Variants in IGF1R observed in about 807,000 individuals in gnomAD.
IGF1R encodes the protein insulin-like growth factor 1 receptor.
A neutral mutation model predicts 144.6 loss-of-function variants in IGF1R; 44 were observed. The ratio of observed to expected loss-of-function variants is 0.30; its 90% confidence interval spans 0.24 to 0.39. The LOEUF (loss-of-function observed/expected upper bound fraction) is 0.39. Among genes scored for constraint, IGF1R ranks in the 10% least tolerant of loss-of-function variants. The probability of loss-of-function intolerance (pLI) is 1.00; values close to 1 mark genes in which losing one functional copy is unlikely to be tolerated. For missense variants in IGF1R, 1,355 were observed against 1,833.7 expected (o/e 0.74, Z 4.77); for synonymous variants, 795 against 722.8 (o/e 1.10, Z -1.60).
chr15:98,790,611 C>T (rs971115757), intron 2 of IGF1R, among the ~76,000 whole-genome samples: 2 of 152,134 alleles, frequency 1.3e-5, no homozygotes, highest in African/African-American at 4.8e-5. Context: ...ATGGTCTCTT[C>T]CCACAGCAGA....
At chr15:98,931,581 A>C (rs1202496729) in intron 15 of IGF1R, among the ~76,000 whole-genome samples, 1 of 152,080 alleles carries the variant, frequency 6.6e-6, no homozygotes, top group African/African-American at 2.4e-5. Flanking sequence ...GTTTTTTAAT[A>C]GTAATATATA....
intron 2 of IGF1R, among the ~76,000 whole-genome samples, chr15:98,728,806 A>T (rs2054427907): frequency 6.6e-6 from 1 of 152,244 alleles, no homozygotes; most frequent in South Asian, 2.1e-4. Flanking sequence ...AGAAGCCAGC[A>T]CCTTTATCCT....
chr15:98,888,438 A>AGAGAGAGAGTGTGTGTGT (rs1555457179), intron 2 of IGF1R, among the ~76,000 whole-genome samples: 1 of 143,354 alleles, frequency 7.0e-6, no homozygotes, highest in Admixed American at 7.0e-5. Context: ...AGAGAGAGAG[A>AGAGAGAGAGTGTGTGTGT]GTGTGTGTGT....
chr15:98,892,527 CAAAAAAAAAAA>C (rs368474118), intron 3 of IGF1R, among the ~76,000 whole-genome samples: 1 of 75,600 alleles, frequency 1.3e-5, no homozygotes, highest in Non-Finnish European at 2.8e-5. Context: ...ACTCTGTCTC[CAAAAAAAAAAA>C]AAAAAAAGAG....
At chr15:98,824,785 C>G (rs774306231) in intron 2 of IGF1R, among the ~76,000 whole-genome samples, 2 of 152,028 alleles carry the variant, frequency 1.3e-5, no homozygotes, top group Non-Finnish European at 2.9e-5. Context: ...AGTCACTCTC[C>G]TAAGACTTGA....
chr15:98,923,009 C>T (rs538870742), intron 11 of IGF1R, among the ~76,000 whole-genome samples: 27 of 152,304 alleles, frequency 1.8e-4, no homozygotes, highest in African/African-American at 6.3e-4. Context: ...GTAGAAAGAG[C>T]ACGGAGGTGA....
At chr15:98,802,773 A>G (rs528411632) in intron 2 of IGF1R, among the ~76,000 whole-genome samples, 1 of 152,318 alleles carries the variant, frequency 6.6e-6, no homozygotes, top group Admixed American at 6.5e-5. Context: ...TTTTTCTCAT[A>G]TATTAGCGGT....
At chr15:98,703,593 CT>C (rs1254552027) in intron 1 of IGF1R, among the ~76,000 whole-genome samples, 1 of 152,180 alleles carries the variant, frequency 6.6e-6, no homozygotes, top group Non-Finnish European at 1.5e-5. Context: ...CTTCTTCCTA[CT>C]TTTTTTCTCT....
intron 17 of IGF1R, 108 bp from the exon 18 acceptor site, chr15:98,939,093 A>G: frequency 4.5e-6 from 4 of 891,420 alleles, no homozygotes; most frequent in Non-Finnish European, 7.3e-6. Flanking sequence ...AGCATAAACA[A>G]CCCACGGTGC....
At chr15:98,924,093 C>G in intron 12 of IGF1R, 81 bp downstream of exon 12, 1 of 1,348,956 alleles carries the variant, frequency 7.4e-7, no homozygotes, top group East Asian at 2.3e-5. Flanking sequence ...CAGGTTACCT[C>G]CTGGTTAGCA....
chr15:98,651,240 T>A (rs902832310), intron 1 of IGF1R, among the ~76,000 whole-genome samples: 3 of 152,206 alleles, frequency 2.0e-5, no homozygotes, highest in African/African-American at 7.2e-5. Flanking sequence ...AAACAAATCC[T>A]TAAACGTCTG....
rs746242148 is a variant in IGF1R, at chr15:98,694,033, G to C, written c.95-13529G>C. On this transcript the variant is annotated intron_variant, in intron 1 of 20. Transcript: ENST00000650285. ...GTCAGCATGCTGCTTGGCAGCACCT[G>C]CCTCGTTTCTGGTGACCATTTGGAA... 3.3e-5 allele frequency among the ~76,000 whole-genome samples: 5 copies of C among 152,238 alleles called. No individual in the cohort carries two copies. The South Asian group carries it at 6.2e-4, about 19-fold the overall frequency.
intron 3 of IGF1R, among the ~76,000 whole-genome samples, chr15:98,895,870 T>C (rs1158473444): frequency 6.6e-6 from 1 of 152,220 alleles, no homozygotes; most frequent in South Asian, 2.1e-4. Flanking sequence ...ACACATCGCA[T>C]AAGTTCGTAT....
At chr15:98,735,872 C>G (rs1387575375) in intron 2 of IGF1R, among the ~76,000 whole-genome samples, 2 of 152,216 alleles carry the variant, frequency 1.3e-5, no homozygotes, top group Non-Finnish European at 2.9e-5. Flanking sequence ...GCTTCTCCTT[C>G]CTTTCCTCCA....
intron 2 of IGF1R, among the ~76,000 whole-genome samples, chr15:98,824,447 A>G (rs2056856046): frequency 6.6e-6 from 1 of 152,128 alleles, no homozygotes; most frequent in Non-Finnish European, 1.5e-5. Flanking sequence ...ACTTCTTCTT[A>G]TCTAAATAAC....
intron 5 of IGF1R, among the ~76,000 whole-genome samples, chr15:98,900,949 A>G (rs1409211153): frequency 6.6e-6 from 1 of 152,168 alleles, no homozygotes; most frequent in Admixed American, 6.5e-5. Context: ...TAAGCAAATG[A>G]TAGACATAGA....
chr15:98,815,755 G>A (rs1438461030), intron 2 of IGF1R, among the ~76,000 whole-genome samples: 1 of 151,912 alleles, frequency 6.6e-6, no homozygotes, highest in Non-Finnish European at 1.5e-5. Context: ...TCTAGCTTTG[G>A]CTAGAGAAGG....
At chr15:98,830,872 G>A (rs949450323) in intron 2 of IGF1R, among the ~76,000 whole-genome samples, 3 of 152,160 alleles carry the variant, frequency 2.0e-5, no homozygotes, top group African/African-American at 7.2e-5. Context: ...CCAAAGTGCT[G>A]GGATTACAGG....
intron 2 of IGF1R, among the ~76,000 whole-genome samples, chr15:98,739,918 A>G (rs1193216402): frequency 6.6e-6 from 1 of 152,154 alleles, no homozygotes; most frequent in Non-Finnish European, 1.5e-5. Flanking sequence ...TAAACTTAGG[A>G]TGGGAAATGT....
Sources: allele counts gnomAD v4.1 joint callset (sites outside exome capture counted in the v4.1 genomes callset), GRCh38; gene constraint gnomAD v4.1.1; transcripts MANE v1.5; gene names NCBI Gene and HGNC (gene_info 2026-07-23, HGNC 2026-07-21).